The following NRIP1 variants were observed in gnomAD, a reference collection of about 807,000 sequenced individuals.
NRIP1 encodes nuclear receptor interacting protein 1, also known as nuclear receptor-interacting protein 1.
In NRIP1, 28 loss-of-function variants were observed where a neutral mutation model predicts 75.0. The ratio of observed to expected loss-of-function variants is 0.37; its 90% CI spans 0.28 to 0.51. The LOEUF is 0.51. NRIP1 is among the 20% of genes least tolerant of loss of function. The pLI, the probability that NRIP1 is intolerant of heterozygous loss-of-function variation, is 0.92. For synonymous variants in NRIP1, 526 were observed against 487.6 expected (o/e 1.08, Z -1.04); for missense variants, 1,435 against 1,343.7 (o/e 1.07, Z -1.06).
intron 3 of NRIP1, among the ~76,000 whole-genome samples, chr21:15,004,362 T>G (rs1008635983): frequency 6.6e-6 from 1 of 152,230 alleles, no homozygotes; most frequent in African/African-American, 2.4e-5. Context: ...CAATGTCATT[T>G]TGTGGATAAA....
intron 3 of NRIP1, among the ~76,000 whole-genome samples, chr21:14,973,510 C>T (rs115392566): frequency 0.011 from 1,703 of 152,154 alleles, 38 homozygotes; most frequent in African/African-American, 0.039. Context: ...AAAGCTAACT[C>T]AGTGATGTTT....
At chr21:15,047,637 T>C (rs1438286295) in intron 1 of NRIP1, among the ~76,000 whole-genome samples, 1 of 152,202 alleles carries the variant, frequency 6.6e-6, no homozygotes, top group Non-Finnish European at 1.5e-5. Context: ...CCTCCATGAT[T>C]CAATTACCTC....
chr21:14,967,423 G>A lies in NRIP1; in HGVS notation c.770C>T (p.Pro257Leu). 6.2e-7 allele frequency: 1 copy of A among 1,614,098 alleles called. No homozygotes were observed. Among genetic ancestry groups the A allele is most frequent in the South Asian group, 1.1e-5 (1 of 91,082 alleles). ...CTGGCTACAAGCAACACTAGGTTTA[G>A]GTGAGGTGGCAGGACTAGCCCTTTT... The part of the protein sequence containing the change: ...VEKRASPATS[P>L]KPSVACSQLA... The change falls in exon 4 of 4, where the codon CCT becomes CTT. Residue 257 changes from proline (P) to leucine (L), a missense_variant. Transcript: ENST00000318948.
At chr21:14,996,318 C>G (rs1006390023) in intron 3 of NRIP1, among the ~76,000 whole-genome samples, 3 of 152,132 alleles carry the variant, frequency 2.0e-5, no homozygotes, top group African/African-American at 7.2e-5. Flanking sequence ...TTGGACAGTA[C>G]AGCTCTCCAG....
intron 3 of NRIP1, among the ~76,000 whole-genome samples, chr21:14,974,942 T>C (rs1336460406): frequency 1.3e-5 from 2 of 151,688 alleles, no homozygotes; most frequent in Non-Finnish European, 2.9e-5. Context: ...ACCCCATCTT[T>C]ACAAAAACAT....
At chr21:15,023,039 C>A (rs1047776986) in intron 2 of NRIP1, among the ~76,000 whole-genome samples, 2 of 152,002 alleles carry the variant, frequency 1.3e-5, no homozygotes, top group East Asian at 3.9e-4. Context: ...ACAGAAGGAT[C>A]GGTGGTTGTC....
intron 2 of NRIP1, among the ~76,000 whole-genome samples, chr21:15,041,574 A>G (rs1195651274): frequency 6.6e-6 from 1 of 152,162 alleles, no homozygotes; most frequent in Non-Finnish European, 1.5e-5. Context: ...TTGAATATAC[A>G]TGGGAATTTG....
At chr21:15,009,758 T>C (rs2088058146) in intron 3 of NRIP1, among the ~76,000 whole-genome samples, 1 of 152,208 alleles carries the variant, frequency 6.6e-6, no homozygotes, top group African/African-American at 2.4e-5. Flanking sequence ...AATAATTTGA[T>C]GGCATGTTCT....
rs1264524328 is a variant in NRIP1 at position 14,966,738 on chromosome 21, A to C, written c.1455T>G (p.Asp485Glu). 6.2e-7 allele frequency: 1 copy of C among 1,614,020 alleles called. No individual in the cohort carries two copies. The highest frequency in any genetic ancestry group is 1.3e-5 in the African/African-American group (1 of 75,008). Residue 485 changes from aspartate to glutamate, a missense_variant, in exon 4 of 4, where the codon GAT becomes GAG. By Grantham distance (45) the Asp-to-Glu change is conservative. Transcript: ENST00000318948. ...VPDVDIKEDQDTSKNSKLNSH... is the reference protein window; with the variant it reads ...VPDVDIKEDQETSKNSKLNSH... ...AGTTTAGCTTAGAATTCTTTGAGGT[A>C]TCTTGATCTTCTTTGATATCTACAT...
chr21:15,017,745 G>A (rs2088270928), intron 2 of NRIP1, among the ~76,000 whole-genome samples: 1 of 152,140 alleles, frequency 6.6e-6, no homozygotes. Flanking sequence ...TCTCAATTCA[G>A]GTAATGCAAA....
rs1207969293 is a variant in NRIP1, at chr21:14,962,819, A to T, written c.*1897T>A. On this transcript the variant is annotated 3_prime_UTR_variant, in exon 4 of 4. Transcript: ENST00000318948. ...AAATAACCATTTAGGGTTTTAGATC[A>T]TATTAGGAAATCACACCTATTTTTA... is the stretch of plus-strand genomic sequence containing the variant. The T allele has an allele frequency of 6.6e-6, 1 of 152,486 alleles. No individual in the cohort carries two copies. Among genetic ancestry groups the T allele is most frequent in the Non-Finnish European group, 1.5e-5 (1 of 67,968 alleles). The allele number at this position is 152,486 out of a possible 1,614,324, so 9.4% of individuals were successfully genotyped here. A position where few individuals can be genotyped will look rare whatever the true frequency, so the allele number is the denominator to read the frequency against.
At chr21:15,025,996 C>T (rs79344041) in intron 2 of NRIP1, among the ~76,000 whole-genome samples, 19 of 152,110 alleles carry the variant, frequency 1.2e-4, no homozygotes, top group Non-Finnish European at 2.2e-4. Context: ...TGAGCTCTGA[C>T]GATTAGATAG....
At chr21:15,047,082 G>C (rs553316773) in intron 1 of NRIP1, among the ~76,000 whole-genome samples, 1 of 152,276 alleles carries the variant, frequency 6.6e-6, no homozygotes, top group South Asian at 2.1e-4. Flanking sequence ...GCCCGAGACT[G>C]GGTAATTTAT....
In NRIP1 at chr21:15,020,318, C is replaced by A. The variant is rs1471546204; in HGVS notation, c.-457-5852G>T. 3.3e-5 allele frequency among the ~76,000 whole-genome samples: 5 copies of A among 152,214 alleles called. No homozygotes were observed. The East Asian group carries it at 9.7e-4, about 29-fold the overall frequency. On this transcript the variant is annotated intron_variant, in intron 2 of 3. Transcript: ENST00000318948. ...CTCCCATTCATAGTCATTTGATTTT[C>A]GACAAATATGCCACTGCAATTAAAA...
chr21:14,976,245 G>A (rs1331425126), intron 3 of NRIP1, among the ~76,000 whole-genome samples: 1 of 151,866 alleles, frequency 6.6e-6, no homozygotes, highest in African/African-American at 2.4e-5. Flanking sequence ...ATCATGTGGT[G>A]GAAAAAATCA....
At position 14,964,663 on chromosome 21, in the gene NRIP1, A is replaced by C. The variant is rs1198586153; in HGVS notation, c.*53T>G. On this transcript the variant is annotated 3_prime_UTR_variant, in exon 4 of 4. Coordinates refer to ENST00000318948, the MANE Select transcript of NRIP1 (RefSeq NM_003489.4). ...TCATGCTCTTATTTATACAGATCTC[A>C]AGTTCATACTCATTAGTTTTAAAAA... The C allele has an allele frequency of 7.7e-7, 1 of 1,299,582 alleles. No homozygotes were observed. Among genetic ancestry groups the C allele is most frequent in the East Asian group, 2.3e-5 (1 of 42,734 alleles). 80.5% of individuals were successfully genotyped at this position (1,299,582 alleles called of 1,614,324 possible).
chr21:15,063,853 T>C (rs143380836), intron 1 of NRIP1, among the ~76,000 whole-genome samples: 56 of 152,348 alleles, frequency 3.7e-4, no homozygotes, highest in African/African-American at 1.2e-3. Context: ...CAGCCAATTA[T>C]TGACGTGATA....
chr21:15,023,378 C>T (rs2088426649), intron 2 of NRIP1, among the ~76,000 whole-genome samples: 1 of 152,122 alleles, frequency 6.6e-6, no homozygotes, highest in Admixed American at 6.5e-5. Context: ...TCAATTAATT[C>T]TGGCTAAATA....
At chr21:15,050,892 C>T (rs1292337979) in intron 1 of NRIP1, 1 of 456,066 alleles carries the variant, frequency 2.2e-6, no homozygotes, top group Non-Finnish European at 4.4e-6. Context: ...ATCTACCAGG[C>T]AAACTAGGGA....
Sources: allele counts gnomAD v4.1 joint callset (sites outside exome capture counted in the v4.1 genomes callset), GRCh38; gene constraint gnomAD v4.1.1; transcripts MANE v1.5; gene names NCBI Gene and HGNC (gene_info 2026-07-23, HGNC 2026-07-21).